Variants in NTM observed in about 807,000 individuals in gnomAD.
The protein encoded by NTM is neurotrimin.
A neutral mutation model predicts 42.1 loss-of-function variants in NTM; 13 were observed. That is an observed-to-expected ratio of 0.31 (90% CI 0.20 to 0.49). The LOEUF (loss-of-function observed/expected upper bound fraction) is 0.49, where lower values mean the gene tolerates loss of function less well. Ranked by LOEUF, NTM falls within the 20% of genes least tolerant of loss-of-function variation. The pLI is 0.99. For synonymous variants in NTM, 187 were observed against 179.2 expected (o/e 1.04, Z -0.35); for missense variants, 373 against 452.8 (o/e 0.82, Z 1.60).
At chr11:131,409,760 C>T (rs749356035) in intron 1 of NTM, among the ~76,000 whole-genome samples, 4 of 152,202 alleles carry the variant, frequency 2.6e-5, no homozygotes, top group Non-Finnish European at 5.9e-5. Flanking sequence ...CCTTTGGAAG[C>T]GCCTTTAAGA....
intron 2 of NTM, among the ~76,000 whole-genome samples, chr11:132,128,280 T>A (rs1031990926): frequency 7.2e-5 from 11 of 152,150 alleles, no homozygotes; most frequent in Non-Finnish European, 1.0e-4. Context: ...TAATCATTTA[T>A]CACAAATTAA....
At chr11:131,845,255 G>A (rs563782861) in intron 1 of NTM, among the ~76,000 whole-genome samples, 1 of 152,204 alleles carries the variant, frequency 6.6e-6, no homozygotes, top group Non-Finnish European at 1.5e-5. Flanking sequence ...AAGGAATTCA[G>A]TGAATAAATC....
At chr11:132,320,606 C>T (rs948199049) in intron 7 of NTM, among the ~76,000 whole-genome samples, 134 of 152,300 alleles carry the variant, frequency 8.8e-4, no homozygotes, top group African/African-American at 3.2e-3. Context: ...GGGAGGGGTG[C>T]CCGCCATTGC....
At chr11:132,183,274 T>C (rs562467782) in intron 3 of NTM, among the ~76,000 whole-genome samples, 35 of 152,294 alleles carry the variant, frequency 2.3e-4, no homozygotes, top group African/African-American at 8.2e-4. Flanking sequence ...CACCAACTTG[T>C]CCCAGATTAG....
At chr11:131,682,651 G>T (rs1456852619) in intron 1 of NTM, among the ~76,000 whole-genome samples, 1 of 152,246 alleles carries the variant, frequency 6.6e-6, no homozygotes, top group Non-Finnish European at 1.5e-5. Context: ...CTGACACGGA[G>T]AGCGGGTCCT....
At chr11:131,512,435 G>T (rs1156250072) in intron 1 of NTM, among the ~76,000 whole-genome samples, 1 of 152,136 alleles carries the variant, frequency 6.6e-6, no homozygotes, top group East Asian at 1.9e-4. Flanking sequence ...CCAGAGCCTG[G>T]AGACAGGCCC....
chr11:131,833,017 T>C (rs1259491392), intron 1 of NTM, among the ~76,000 whole-genome samples: 1 of 152,214 alleles, frequency 6.6e-6, no homozygotes, highest in Non-Finnish European at 1.5e-5. Flanking sequence ...AAAGTTGTCA[T>C]AAATACCCAT....
intron 1 of NTM, among the ~76,000 whole-genome samples, chr11:131,812,307 T>C (rs945568137): frequency 3.9e-5 from 6 of 152,050 alleles, no homozygotes; most frequent in Non-Finnish European, 8.8e-5. Context: ...CTGTAATATA[T>C]GAGGGTACGG....
At chr11:131,599,710 C>T (rs1439863707) in intron 1 of NTM, among the ~76,000 whole-genome samples, 1 of 152,200 alleles carries the variant, frequency 6.6e-6, no homozygotes, top group Non-Finnish European at 1.5e-5. Context: ...GTGACAGATG[C>T]TGTGATAGGC....
chr11:131,949,334 T>C (rs1021552421), intron 2 of NTM, among the ~76,000 whole-genome samples: 6 of 152,196 alleles, frequency 3.9e-5, no homozygotes, highest in African/African-American at 1.2e-4. Context: ...GTTATGTACA[T>C]TTATTGTTTA....
At chr11:132,224,091 C>G (rs371945852) in intron 4 of NTM, among the ~76,000 whole-genome samples, 1 of 152,330 alleles carries the variant, frequency 6.6e-6, no homozygotes, top group East Asian at 1.9e-4. Flanking sequence ...CCAGCAGGAG[C>G]AGGGCTATTC....
intron 1 of NTM, among the ~76,000 whole-genome samples, chr11:131,436,308 A>G (rs1446055371): frequency 6.6e-6 from 1 of 151,956 alleles, no homozygotes; most frequent in Non-Finnish European, 1.5e-5. Context: ...CTCATGAGTT[A>G]GGGAGGATTC....
chr11:132,193,347 A>G (rs188936075), intron 3 of NTM, among the ~76,000 whole-genome samples: 2 of 152,302 alleles, frequency 1.3e-5, no homozygotes, highest in African/African-American at 4.8e-5. Context: ...TATTAACAAG[A>G]AGATCTCTGA....
rs539527418 is a variant in NTM at position 131,525,055 on chromosome 11, G to T, written c.82+154167G>T. Among the ~76,000 whole-genome samples, 8 of 152,002 alleles carry T rather than the reference G, an allele frequency of 5.3e-5. No individual in the cohort carries two copies. The South Asian group carries it at 1.7e-3, about 32-fold the overall frequency. On this transcript the variant is annotated intron_variant, in intron 1 of 8. Transcript: ENST00000683400. ...AGTAATTTCTGAATGGAGTAAGGGG[G>T]CAGTAATTACTCATCAGAGTAATTC...
At chr11:131,553,705 T>G (rs1047099880) in intron 1 of NTM, among the ~76,000 whole-genome samples, 3 of 152,198 alleles carry the variant, frequency 2.0e-5, no homozygotes, top group Non-Finnish European at 4.4e-5. Context: ...ATTGGTGGTG[T>G]TTCTACTCTC....
At chr11:132,314,467 G>T in intron 6 of NTM, 85 bp from the exon 7 acceptor site, 1 of 1,439,098 alleles carries the variant, frequency 6.9e-7, no homozygotes, top group South Asian at 1.4e-5. Flanking sequence ...GCAAGGAGAA[G>T]ACCAGGAATC....
At chr11:131,973,661 AC>A (rs2063889040) in intron 2 of NTM, among the ~76,000 whole-genome samples, 1 of 152,206 alleles carries the variant, frequency 6.6e-6, no homozygotes, top group East Asian at 1.9e-4. Context: ...TACTAAAAAT[AC>A]AAAAATTAGC....
At chr11:131,955,185 G>A (rs187788132) in intron 2 of NTM, among the ~76,000 whole-genome samples, 5 of 152,124 alleles carry the variant, frequency 3.3e-5, no homozygotes, top group Admixed American at 6.5e-5. Context: ...GCCTCAGCCC[G>A]CTTGGTTCTT....
intron 1 of NTM, among the ~76,000 whole-genome samples, chr11:131,682,648 G>A (rs373993277): frequency 2.0e-5 from 3 of 152,260 alleles, no homozygotes; most frequent in Non-Finnish European, 2.9e-5. Context: ...CCACTGACAC[G>A]GAGAGCGGGT....
Sources: gnomAD v4.1 joint callset for allele counts (sites outside exome capture counted in the v4.1 genomes callset) on GRCh38, gnomAD v4.1.1 for gene constraint, MANE v1.5 for transcripts, NCBI Gene and HGNC (gene_info 2026-07-23, HGNC 2026-07-21) for gene names.